The following PPM1L variants were observed in gnomAD, a reference collection of about 807,000 sequenced individuals.
The protein encoded by PPM1L is protein phosphatase, Mg2+/Mn2+ dependent 1L.
A neutral mutation model predicts 31.4 loss-of-function variants in PPM1L; 13 were observed. That is an observed-to-expected ratio of 0.41 (90% confidence interval 0.27 to 0.66). The LOEUF is 0.66. PPM1L is among the 30% of genes least tolerant of loss of function. PPM1L has a pLI of 0.29. For missense variants in PPM1L, 326 were observed against 453.7 expected, an observed-to-expected ratio of 0.72 and a Z score of 2.56; for synonymous variants, 184 against 175.4, an observed-to-expected ratio of 1.05 and a Z score of -0.39.
intron 2 of PPM1L, among the ~76,000 whole-genome samples, chr3:160,985,658 T>A (rs1056199184): frequency 6.6e-6 from 1 of 152,170 alleles, no homozygotes; most frequent in Admixed American, 6.5e-5. Context: ...CCTTGGGTGT[T>A]TGAGCATTGG....
chr3:160,782,737 A>T (rs1026288250), intron 1 of PPM1L, among the ~76,000 whole-genome samples: 3 of 152,322 alleles, frequency 2.0e-5, no homozygotes, highest in South Asian at 2.1e-4. Context: ...GAAAAATTTT[A>T]AAAAATACAT....
chr3:160,862,302 C>T (rs1711920947), intron 1 of PPM1L, among the ~76,000 whole-genome samples: 1 of 152,182 alleles, frequency 6.6e-6, no homozygotes, highest in Non-Finnish European at 1.5e-5. Flanking sequence ...AAAGCTTCCT[C>T]ACCCCTTCAG....
intron 2 of PPM1L, among the ~76,000 whole-genome samples, chr3:161,046,299 TACTATAA>T (rs1719067007): frequency 6.6e-6 from 1 of 151,876 alleles, no homozygotes. Flanking sequence ...CATCAGAGAA[TACTATAA>T]ACACCTCTAT....
chr3:161,013,057 T>G (rs1717951064), intron 2 of PPM1L, among the ~76,000 whole-genome samples: 1 of 152,226 alleles, frequency 6.6e-6, no homozygotes, highest in African/African-American at 2.4e-5. Flanking sequence ...ACTTCTTGCC[T>G]TCTGCTAGCT....
intron 1 of PPM1L, among the ~76,000 whole-genome samples, chr3:160,933,307 G>C (rs775547802): frequency 7.3e-5 from 11 of 151,598 alleles, no homozygotes; most frequent in Admixed American, 2.0e-4. Flanking sequence ...TATTTACGTA[G>C]GACTTATATC....
intron 1 of PPM1L, among the ~76,000 whole-genome samples, chr3:160,849,640 G>A (rs1456737680): frequency 6.6e-6 from 1 of 151,566 alleles, no homozygotes; most frequent in Non-Finnish European, 1.5e-5. Flanking sequence ...GAGCCAGGAT[G>A]GTCTCGATCT....
At position 161,078,583 on chromosome 3, in the gene PPM1L, T is replaced by C. The variant is rs1046577805; in HGVS notation, c.*9426T>C. 3.3e-5 allele frequency: 5 copies of C among 152,218 alleles called. No individual in the cohort carries two copies. The highest frequency in any genetic ancestry group is 3.8e-4 in the East Asian group (2 of 5,202). 9.4% of individuals were successfully genotyped at this position (152,218 alleles called of 1,614,324 possible). A position where few individuals can be genotyped will look rare whatever the true frequency, so the allele number is the denominator to read the frequency against. On this transcript the variant is annotated 3_prime_UTR_variant, in exon 4 of 4. Coordinates refer to ENST00000498165, the MANE Select transcript of PPM1L (RefSeq NM_139245.4). ...ACAACAAGGCTTGGCGAAACCTCATTACTCTTGGAAGTCTTCAGAGGTTAT... is the reference window on the plus strand; with the variant it reads ...ACAACAAGGCTTGGCGAAACCTCATCACTCTTGGAAGTCTTCAGAGGTTAT...
chr3:160,910,161 T>C (rs1007159598), intron 1 of PPM1L, among the ~76,000 whole-genome samples: 4 of 151,696 alleles, frequency 2.6e-5, no homozygotes, highest in Admixed American at 2.6e-4. Context: ...GCTTGAAACT[T>C]TCTTTCCCTC....
At chr3:160,804,302 G>T (rs1712531834) in intron 1 of PPM1L, among the ~76,000 whole-genome samples, 1 of 152,096 alleles carries the variant, frequency 6.6e-6, no homozygotes, top group African/African-American at 2.4e-5. Flanking sequence ...TGTTTTTGTT[G>T]AATTATGAAT....
intron 2 of PPM1L, among the ~76,000 whole-genome samples, chr3:160,971,360 T>C (rs1716336200): frequency 6.6e-6 from 1 of 152,228 alleles, no homozygotes; most frequent in Non-Finnish European, 1.5e-5. Flanking sequence ...ATGAGCATCT[T>C]TGAGCCAGAC....
Position 160,882,684 on chromosome 3 carries a change from G to T in PPM1L, c.400-79052G>T, listed in dbSNP as rs955351398. Among the ~76,000 whole-genome samples the T allele has an allele frequency of 6.6e-5, 10 of 152,264 alleles. No individual in the cohort carries two copies. The East Asian group carries it at 1.9e-3, about 29-fold the overall frequency. On this transcript the variant is annotated intron_variant, in intron 1 of 3. Coordinates refer to ENST00000498165, the MANE Select transcript of PPM1L (RefSeq NM_139245.4). Reference sequence around the variant, plus strand: ...CAGATCTCTTTTTGGGAACACAGATGTACCCACTGCAGATATAAAAGTATA... The same window carrying T: ...CAGATCTCTTTTTGGGAACACAGATTTACCCACTGCAGATATAAAAGTATA...
chr3:160,969,271 G>C (rs555466082), intron 2 of PPM1L, among the ~76,000 whole-genome samples: 13 of 152,222 alleles, frequency 8.5e-5, no homozygotes, highest in Admixed American at 7.9e-4. Context: ...TTTTAAAAGC[G>C]TGGAGGAATG....
intron 1 of PPM1L, among the ~76,000 whole-genome samples, chr3:160,961,452 A>C (rs545166456): frequency 6.6e-6 from 1 of 152,210 alleles, no homozygotes; most frequent in African/African-American, 2.4e-5. Flanking sequence ...TCAGTTCACT[A>C]TAATAGTTGA....
At chr3:161,047,252 C>G (rs1719112384) in intron 2 of PPM1L, among the ~76,000 whole-genome samples, 1 of 152,166 alleles carries the variant, frequency 6.6e-6, no homozygotes, top group African/African-American at 2.4e-5. Flanking sequence ...TCTCAGTATA[C>G]AAAATCAATG....
intron 2 of PPM1L, among the ~76,000 whole-genome samples, chr3:160,967,650 C>T (rs915209969): frequency 1.3e-5 from 2 of 152,076 alleles, no homozygotes; most frequent in African/African-American, 4.8e-5. Flanking sequence ...AGGACACAAA[C>T]ATTTAGACCC....
At chr3:161,021,087 C>A (rs1353162859) in intron 2 of PPM1L, among the ~76,000 whole-genome samples, 1 of 151,524 alleles carries the variant, frequency 6.6e-6, no homozygotes. Context: ...TTTCTTTCTT[C>A]TTTGGGGTTT....
intron 2 of PPM1L, among the ~76,000 whole-genome samples, chr3:160,989,505 A>G (rs1334679801): frequency 1.3e-5 from 2 of 151,080 alleles, no homozygotes; most frequent in Non-Finnish European, 1.5e-5. Context: ...CCCAGGTTCC[A>G]GTGATTCTCC....
At position 160,966,523 on chromosome 3, in the gene PPM1L, A is replaced by G. The variant is rs370869460; in HGVS notation, c.574+4613A>G. 1.8e-3 allele frequency among the ~76,000 whole-genome samples: 278 copies of G among 152,250 alleles called. 2 individuals are homozygous for G. Among genetic ancestry groups the G allele is most frequent in the Non-Finnish European group, 2.9e-3 (195 of 68,014 alleles). On this transcript the variant is annotated intron_variant, in intron 2 of 3. Transcript: ENST00000498165. Reference sequence around the variant, plus strand: ...ATGTGAAGATAATTTTAATGGCTACATCATATTCTATTTGAAAGTACCACT... The same window carrying G: ...ATGTGAAGATAATTTTAATGGCTACGTCATATTCTATTTGAAAGTACCACT...
At chr3:161,006,029 AAC>A (rs1222134406) in intron 2 of PPM1L, among the ~76,000 whole-genome samples, 2 of 152,158 alleles carry the variant, frequency 1.3e-5, no homozygotes, top group African/African-American at 2.4e-5. Flanking sequence ...ATAAACAAAA[AAC>A]ACAGTCTCAA....
Sources: gnomAD v4.1 joint callset for allele counts (sites outside exome capture counted in the v4.1 genomes callset) on GRCh38, gnomAD v4.1.1 for gene constraint, MANE v1.5 for transcripts, NCBI Gene and HGNC (gene_info 2026-07-23, HGNC 2026-07-21) for gene names.